The following RANBP2 variants were observed in gnomAD, a reference collection of about 807,000 sequenced individuals.
RANBP2 encodes RAN binding protein 2, also known as E3 SUMO-protein ligase RanBP2.
RANBP2 carries 57 observed loss-of-function variants against 303.6 expected under a neutral mutation model. The observed-to-expected ratio is 0.19, with a 90% CI of 0.15 to 0.23. The LOEUF (loss-of-function observed/expected upper bound fraction) is 0.23, where lower values mean the gene tolerates loss of function less well. Ranked by LOEUF, RANBP2 falls within the 10% of genes least tolerant of loss-of-function variation. The pLI, the probability that RANBP2 is intolerant of heterozygous loss-of-function variation, is 1.00. For missense variants in RANBP2, 3,138 were observed against 3,780.8 expected (o/e 0.83, Z 4.46); for synonymous variants, 1,167 against 1,301.5 (o/e 0.90, Z 2.23).
At chr2:109,104,969 C>G in the RANBP2 span, among the ~76,000 whole-genome samples, 6 of 152,172 alleles carry the variant, frequency 3.9e-5, no homozygotes, top group Non-Finnish European at 5.9e-5. Context: ...CTGTAAACTA[C>G]TGTTAGAGTA....
chr2:108,733,992 T>C (rs1199407582), intron 4 of RANBP2, among the ~76,000 whole-genome samples: 8 of 151,606 alleles, frequency 5.3e-5, no homozygotes, highest in Admixed American at 2.6e-4. Context: ...AGAAGGCTTT[T>C]TCTCTCAAGT....
chr2:109,667,383 C>A, the RANBP2 span: 3 of 458,570 alleles, frequency 6.5e-6, no homozygotes, highest in Non-Finnish European at 1.2e-5. Context: ...CAGTTTTGAT[C>A]AGGAGGGGAT....
the RANBP2 span, among the ~76,000 whole-genome samples, chr2:109,423,708 G>A: frequency 1.3e-5 from 2 of 152,188 alleles, no homozygotes; most frequent in East Asian, 3.9e-4. Context: ...CTTTGACAGT[G>A]CCCAGCCTTG....
chr2:109,075,596 A>T, the RANBP2 span, among the ~76,000 whole-genome samples: 1 of 141,210 alleles, frequency 7.1e-6, no homozygotes, highest in Non-Finnish European at 1.6e-5. Flanking sequence ...AAAAAAAAAA[A>T]GGAAGAATGG....
chr2:109,064,908 C>T, the RANBP2 span, among the ~76,000 whole-genome samples: 1 of 152,094 alleles, frequency 6.6e-6, no homozygotes, highest in Non-Finnish European at 1.5e-5. Context: ...AAGCACAAAT[C>T]TGGGAGGGAT....
rs780617160 is a variant in RANBP2, at chr2:108,763,969, A to G, written c.3430A>G (p.Thr1144Ala). ...TGGTCCAGGGAAATCAGTATTTGGA[A>G]CACCCACTTTAGAGACAGCAAACAA... is the stretch of plus-strand genomic sequence containing the variant. ...FHGPGKSVFG[T>A]PTLETANKNH... is the part of the protein sequence containing the mutation. Residue 1144 changes from threonine to alanine, a missense_variant, in exon 20 of 29, where the codon ACA becomes GCA. Around this residue, in one of 20 missense-constraint regions of RANBP2, gnomAD observed 403 missense variants for 376.7 expected, o/e 1.07. Transcript: ENST00000283195. 1.2e-6 allele frequency: 2 copies of G among 1,613,974 alleles called. No homozygotes were observed. The highest frequency in any genetic ancestry group is 8.5e-7 in the Non-Finnish European group (1 of 1,179,956).
chr2:109,290,214 C>T, the RANBP2 span, among the ~76,000 whole-genome samples: 3 of 152,216 alleles, frequency 2.0e-5, no homozygotes, highest in Non-Finnish European at 4.4e-5. Context: ...TCTTTCATAT[C>T]TTCAGACACA....
At chr2:108,842,628 G>A in the RANBP2 span, among the ~76,000 whole-genome samples, 1 of 152,144 alleles carries the variant, frequency 6.6e-6, no homozygotes, top group East Asian at 1.9e-4. Flanking sequence ...AGTTGTGCGG[G>A]CTTCATCTAG....
chr2:109,590,122 A>C, the RANBP2 span, among the ~76,000 whole-genome samples: 8 of 151,880 alleles, frequency 5.3e-5, no homozygotes, highest in African/African-American at 1.9e-4. Context: ...ATATATATAC[A>C]CACATACAGA....
the RANBP2 span, among the ~76,000 whole-genome samples, chr2:109,155,827 G>A: frequency 7.2e-5 from 11 of 152,250 alleles, no homozygotes; most frequent in African/African-American, 1.7e-4. Flanking sequence ...CCAGAACTAG[G>A]TGGTCAGCCT....
At chr2:109,090,264 G>A in the RANBP2 span, among the ~76,000 whole-genome samples, 1 of 149,090 alleles carries the variant, frequency 6.7e-6, no homozygotes, top group Admixed American at 6.8e-5. Context: ...AGTGTTCCAG[G>A]GTTGGTTCCT....
chr2:109,018,758 A>G, the RANBP2 span, among the ~76,000 whole-genome samples: 1 of 152,236 alleles, frequency 6.6e-6, no homozygotes, highest in Non-Finnish European at 1.5e-5. Context: ...TGTTACTTAG[A>G]GGAGCCACTC....
the RANBP2 span, among the ~76,000 whole-genome samples, chr2:109,015,068 C>T: frequency 1.6e-5 from 2 of 121,668 alleles, no homozygotes; most frequent in East Asian, 2.8e-4. Context: ...TGCAGTAAGC[C>T]GAGATCACGC....
chr2:109,475,647 A>G, the RANBP2 span, among the ~76,000 whole-genome samples: 1 of 152,292 alleles, frequency 6.6e-6, no homozygotes, highest in South Asian at 2.1e-4. Flanking sequence ...TGTGCTCTGC[A>G]TTGTAGGATG....
At chr2:109,611,360 T>C in the RANBP2 span, among the ~76,000 whole-genome samples, 2 of 151,858 alleles carry the variant, frequency 1.3e-5, no homozygotes, top group African/African-American at 4.8e-5. Flanking sequence ...ACTTTTGCTT[T>C]GCAAAAGACC....
At chr2:108,822,958 G>C in the RANBP2 span, among the ~76,000 whole-genome samples, 1 of 152,088 alleles carries the variant, frequency 6.6e-6, no homozygotes, top group African/African-American at 2.4e-5. Flanking sequence ...AGAAAGGAAA[G>C]AAGGGATCTT....
chr2:109,637,024 T>C, the RANBP2 span, among the ~76,000 whole-genome samples: 2 of 152,186 alleles, frequency 1.3e-5, no homozygotes, highest in Non-Finnish European at 2.9e-5. Flanking sequence ...TTTTATTGAT[T>C]ATTATCTTCA....
At chr2:109,063,152 C>A in the RANBP2 span, among the ~76,000 whole-genome samples, 1 of 152,212 alleles carries the variant, frequency 6.6e-6, no homozygotes, top group South Asian at 2.1e-4. Context: ...ACATCCTCCC[C>A]CTCTGGCTTG....
the RANBP2 span, chr2:109,553,369 A>G: frequency 3.0e-6 from 2 of 671,058 alleles, no homozygotes; most frequent in Non-Finnish European, 4.9e-6. Context: ...ACATAGTGAA[A>G]CCCTGTCTCT....
Sources: gnomAD v4.1 joint callset for allele counts (sites outside exome capture counted in the v4.1 genomes callset) on GRCh38, gnomAD v4.1.1 for gene constraint, gnomAD v4.1.1 regional missense constraint, MANE v1.5 for transcripts, NCBI Gene and HGNC (gene_info 2026-07-23, HGNC 2026-07-21) for gene names.